The following MTUS2 variants were observed in gnomAD, a reference collection of about 807,000 sequenced individuals.
MTUS2 encodes microtubule associated scaffold protein 2.
A neutral mutation model predicts 114.1 loss-of-function variants in MTUS2; 40 were observed. The ratio of observed to expected loss-of-function variants is 0.35; its 90% CI spans 0.27 to 0.46. The LOEUF is 0.46. Among genes scored for constraint, MTUS2 ranks in the 20% least tolerant of loss-of-function variants. The pLI, the probability that MTUS2 is intolerant of heterozygous loss-of-function variation, is 1.00. For synonymous variants in MTUS2, 688 were observed against 672.0 expected (o/e 1.02, Z -0.37); for missense variants, 1,679 against 1,705.4 (o/e 0.98, Z 0.27).
intron 5 of MTUS2, among the ~76,000 whole-genome samples, chr13:29,160,828 G>A (rs768152124): frequency 3.3e-5 from 5 of 151,518 alleles, no homozygotes; most frequent in East Asian, 1.9e-4. Flanking sequence ...GGCATCCCCC[G>A]CCCCTGCATA....
At chr13:29,468,585 TACACACACAC>T (rs59451142) in intron 9 of MTUS2, among the ~76,000 whole-genome samples, 1 of 146,754 alleles carries the variant, frequency 6.8e-6, no homozygotes, top group African/African-American at 2.5e-5. Context: ...TGTCTCAAAA[TACACACACAC>T]ACACACACAC....
intron 5 of MTUS2, among the ~76,000 whole-genome samples, chr13:29,109,275 C>T (rs1890789814): frequency 6.6e-6 from 1 of 152,110 alleles, no homozygotes; most frequent in Admixed American, 6.6e-5. Context: ...ATATCCATCA[C>T]CTCACATAGT....
intron 2 of MTUS2, among the ~76,000 whole-genome samples, chr13:28,918,581 T>C (rs114007081): frequency 0.011 from 1,635 of 152,112 alleles, 25 homozygotes; most frequent in African/African-American, 0.038. Context: ...GGTTTTTTTG[T>C]GTGTGTGGGG....
intron 2 of MTUS2, among the ~76,000 whole-genome samples, chr13:28,898,385 C>T (rs1879417798): frequency 6.6e-6 from 1 of 152,144 alleles, no homozygotes. Flanking sequence ...CTCAGCTTCA[C>T]CATATCAGAG....
At position 29,389,234 on chromosome 13, in the gene MTUS2, T is replaced by C. The variant is rs182109063; in HGVS notation, c.3117+29761T>C. Among the ~76,000 whole-genome samples, 4 of 145,220 alleles carry C rather than the reference T, an allele frequency of 2.8e-5. No individual in the cohort carries two copies. The East Asian group carries it at 5.9e-4, about 21-fold the overall frequency. ...TTTCAAATATATGTATGTATATATG[T>C]ATGTGTGTATATATATGTATACACA... On this transcript the variant is annotated intron_variant, in intron 8 of 15. Transcript: ENST00000612955.
At chr13:29,271,039 A>T (rs945172112) in intron 5 of MTUS2, among the ~76,000 whole-genome samples, 29 of 152,376 alleles carry the variant, frequency 1.9e-4, no homozygotes, top group African/African-American at 6.7e-4. Flanking sequence ...TTTAAAGTTA[A>T]AGATATCCTC....
intron 2 of MTUS2, among the ~76,000 whole-genome samples, chr13:28,962,818 G>T (rs1436305890): frequency 1.3e-5 from 2 of 152,118 alleles, no homozygotes; most frequent in African/African-American, 4.8e-5. Flanking sequence ...CCAGAGCCTT[G>T]TGGACACTGA....
chr13:29,026,304 C>G lies in MTUS2; in HGVS notation c.1606C>G (p.Leu536Val). Residue 536 changes from leucine to valine, a missense_variant, in exon 3 of 16, where the codon CTC (leucine) becomes GTC (valine). Physicochemically the swap from Leu to Val is conservative, Grantham distance 32. Around this residue, in one of 3 missense-constraint regions of MTUS2, gnomAD observed 843 missense variants for 770.8 expected, o/e 1.09. Transcript: ENST00000612955. ...ADSVLNIPAPLHPETTVNMTY... is the reference protein window; with the variant it reads ...ADSVLNIPAPVHPETTVNMTY... ...TTCAGTTCTCAATATTCCAGCACCCCTCCACCCAGAGACAACTGTGAACAT... is the reference window on the plus strand; with the variant it reads ...TTCAGTTCTCAATATTCCAGCACCCGTCCACCCAGAGACAACTGTGAACAT... 1 of 1,614,006 alleles carries G rather than the reference C, an allele frequency of 6.2e-7. No individual in the cohort carries two copies. Among genetic ancestry groups the G allele is most frequent in the Non-Finnish European group, 8.5e-7 (1 of 1,179,898 alleles).
At chr13:29,274,520 C>T (rs1897990941) in intron 5 of MTUS2, among the ~76,000 whole-genome samples, 1 of 152,132 alleles carries the variant, frequency 6.6e-6, no homozygotes, top group South Asian at 2.1e-4. Flanking sequence ...ACATCCCTAT[C>T]AATACTTTTT....
In MTUS2 at chr13:29,101,101, T is replaced by C. The variant is rs1890400659; in HGVS notation, c.2644+131T>C. On this transcript the variant is annotated intron_variant, in intron 5 of 15. Coordinates refer to ENST00000612955, the MANE Select transcript of MTUS2 (RefSeq NM_001033602.4). ...CCTCCCTTAGCTTCCCATTGTTGTG[T>C]TATTCATCTACTGAAGAAAAATAGC... 7.7e-6 allele frequency: 8 copies of C among 1,043,198 alleles called. No homozygotes were observed. In the Admixed American group the frequency reaches 2.4e-4, roughly 31 times the overall value. The allele number at this position is 1,043,198 out of a possible 1,614,324, so 64.6% of individuals were successfully genotyped here.
intron 9 of MTUS2, among the ~76,000 whole-genome samples, chr13:29,448,163 A>G (rs998069029): frequency 2.0e-5 from 3 of 152,308 alleles, no homozygotes; most frequent in Admixed American, 1.3e-4. Flanking sequence ...TTAAAAATCA[A>G]CATGAATTAA....
At chr13:29,195,895 C>A (rs1017007648) in intron 5 of MTUS2, among the ~76,000 whole-genome samples, 25 of 152,222 alleles carry the variant, frequency 1.6e-4, no homozygotes, top group African/African-American at 6.0e-4. Context: ...TCATGAATTT[C>A]TGGGCTTCAT....
At chr13:29,405,041 A>G (rs552718929) in intron 8 of MTUS2, among the ~76,000 whole-genome samples, 1 of 152,292 alleles carries the variant, frequency 6.6e-6, no homozygotes, top group South Asian at 2.1e-4. Flanking sequence ...CCTTTCCTGT[A>G]TTGATTGTAG....
chr13:29,222,145 C>A (rs1039009704), intron 5 of MTUS2, among the ~76,000 whole-genome samples: 1 of 152,178 alleles, frequency 6.6e-6, no homozygotes, highest in Non-Finnish European at 1.5e-5. Flanking sequence ...AAATAACTGG[C>A]AGTTCAGGAA....
chr13:28,950,527 CA>C (rs1278670575), intron 2 of MTUS2, among the ~76,000 whole-genome samples: 3 of 152,170 alleles, frequency 2.0e-5, no homozygotes, highest in Non-Finnish European at 2.9e-5. Context: ...AATCCAGTGT[CA>C]TGAAACTTTT....
At chr13:29,348,994 C>T (rs1261064175) in intron 7 of MTUS2, among the ~76,000 whole-genome samples, 1 of 152,142 alleles carries the variant, frequency 6.6e-6, no homozygotes, top group Non-Finnish European at 1.5e-5. Flanking sequence ...TTTATCCAAT[C>T]TGAAATCTCC....
rs5802519 is a variant in MTUS2, at chr13:29,383,252, G to GTGTGTATT, written c.3117+23780_3117+23781insGTGTATTT. Among the ~76,000 whole-genome samples, 383 of 135,950 alleles carry GTGTGTATT rather than the reference G, an allele frequency of 2.8e-3. 5 individuals carry two copies. Among genetic ancestry groups the GTGTGTATT allele is most frequent in the East Asian group, 0.014 (66 of 4,718 alleles). 89.2% of individuals were successfully genotyped at this position (135,950 alleles called of 152,430 possible). A position where few individuals can be genotyped will look rare whatever the true frequency, so the allele number is the denominator to read the frequency against. ...TGTGTGTGTGTGTGTGTGTGTGTGT[G>GTGTGTATT]TATTTATTTTTCTCATGCAGGTCTT... On this transcript the variant is annotated intron_variant, in intron 8 of 15. Transcript: ENST00000612955.
At chr13:28,901,401 A>T (rs916993499) in intron 2 of MTUS2, among the ~76,000 whole-genome samples, 2 of 152,184 alleles carry the variant, frequency 1.3e-5, no homozygotes, top group African/African-American at 4.8e-5. Flanking sequence ...TGTATGGATT[A>T]TGCTTTTGGC....
intron 5 of MTUS2, among the ~76,000 whole-genome samples, chr13:29,174,264 C>G (rs1893680417): frequency 6.6e-6 from 1 of 152,238 alleles, no homozygotes; most frequent in South Asian, 2.1e-4. Flanking sequence ...CATGTATTCT[C>G]TTTACCTCTG....
Sources: gnomAD v4.1 joint callset for allele counts (sites outside exome capture counted in the v4.1 genomes callset) on GRCh38, gnomAD v4.1.1 for gene constraint, gnomAD v4.1.1 regional missense constraint, MANE v1.5 for transcripts, NCBI Gene and HGNC (gene_info 2026-07-23, HGNC 2026-07-21) for gene names.